The following GPC5 variants were observed in gnomAD, a reference collection of about 807,000 sequenced individuals.
The protein encoded by GPC5 is glypican-5.
In GPC5, 47 loss-of-function variants were observed where a neutral mutation model predicts 53.9. That is an observed-to-expected ratio of 0.87 (90% CI 0.69 to 1.11). GPC5 has a LOEUF of 1.11. Among genes scored for constraint, GPC5 ranks in the 50% most tolerant of loss-of-function variants. The probability of loss-of-function intolerance (pLI) is 0.00; values close to 1 mark genes in which losing one functional copy is unlikely to be tolerated. For synonymous variants in GPC5, 286 were observed against 263.3 expected, an observed-to-expected ratio of 1.09 and a Z score of -0.84; for missense variants, 748 against 713.1, an observed-to-expected ratio of 1.05 and a Z score of -0.56.
chr13:91,653,023 T>C lies in GPC5; in HGVS notation c.326-40164T>C, dbSNP rs117342639. ...TAGGACACTGATTTATTTAAGAATA[T>C]CTGAAGCATGAATTTCTACTCGTTG... On this transcript the variant is annotated intron_variant, in intron 2 of 7. Transcript: ENST00000377067. Among the ~76,000 whole-genome samples the C allele has an allele frequency of 4.0e-3, 616 of 152,296 alleles. 3 individuals are homozygous for C. Among genetic ancestry groups the C allele is most frequent in the Non-Finnish European group, 6.8e-3 (463 of 68,016 alleles).
chr13:91,950,893 G>T (rs1278858506), intron 6 of GPC5, among the ~76,000 whole-genome samples: 1 of 152,142 alleles, frequency 6.6e-6, no homozygotes, highest in African/African-American at 2.4e-5. Context: ...AGCAGAGAGA[G>T]AATTTGAACC....
chr13:92,189,697 C>T lies in GPC5; in HGVS notation c.1561+44708C>T, dbSNP rs151285355. ...TGGGCCAGGCATTTTTTTTTTAAAG[C>T]TATGATTAATATGCTAAGAGCTTTA... On this transcript the variant is annotated intron_variant, in intron 7 of 7. Transcript: ENST00000377067. Among the ~76,000 whole-genome samples the T allele has an allele frequency of 4.1e-3, 627 of 151,408 alleles. 6 individuals are homozygous for T. The highest frequency in any genetic ancestry group is 0.015 in the African/African-American group (604 of 41,202).
intron 7 of GPC5, among the ~76,000 whole-genome samples, chr13:92,351,353 G>A (rs1038642362): frequency 2.6e-5 from 4 of 151,452 alleles, no homozygotes; most frequent in African/African-American, 9.7e-5. Flanking sequence ...CAATTTATCA[G>A]AATCGATTTC....
intron 3 of GPC5, among the ~76,000 whole-genome samples, chr13:91,714,250 C>T (rs922224451): frequency 1.3e-5 from 2 of 152,108 alleles, no homozygotes; most frequent in African/African-American, 2.4e-5. Context: ...AAAATAAAAG[C>T]ACTAATAGTT....
chr13:92,131,057 A>T (rs961243667), intron 6 of GPC5, among the ~76,000 whole-genome samples: 3 of 151,998 alleles, frequency 2.0e-5, no homozygotes, highest in African/African-American at 7.2e-5. Flanking sequence ...TAGGCACTTT[A>T]TTAGCAGATA....
rs576355738 is a variant in GPC5, at chr13:92,309,541, A to G, written c.1561+164552A>G. On this transcript the variant is annotated intron_variant, in intron 7 of 7. Transcript: ENST00000377067. ...TGTTCATTTTGCTTATTGGTTGACT[A>G]ATAATTAAGAAATATAAACATCATT... Among the ~76,000 whole-genome samples the G allele has an allele frequency of 2.2e-3, 335 of 152,230 alleles. 1 individual carries two copies. Among genetic ancestry groups the G allele is most frequent in the Non-Finnish European group, 3.8e-3 (261 of 67,964 alleles).
At chr13:91,581,805 A>C (rs901146315) in intron 2 of GPC5, among the ~76,000 whole-genome samples, 3 of 152,092 alleles carry the variant, frequency 2.0e-5, no homozygotes, top group Non-Finnish European at 2.9e-5. Flanking sequence ...ACACACACCC[A>C]CACACACAAA....
rs1271290295 is a variant in GPC5 at position 91,469,109 on chromosome 13, C to T, written c.325+20187C>T. On this transcript the variant is annotated intron_variant, in intron 2 of 7. Transcript: ENST00000377067. ...TTCTTTTTATTCTCTTCTCTCTCTTCCTTTTCTTTCTTTTTTTGAGACATA... is the reference window on the plus strand; with the variant it reads ...TTCTTTTTATTCTCTTCTCTCTCTTTCTTTTCTTTCTTTTTTTGAGACATA... 2.6e-5 allele frequency among the ~76,000 whole-genome samples: 4 copies of T among 151,526 alleles called. No homozygotes were observed. In the East Asian group the frequency reaches 7.8e-4, roughly 29 times the overall value.
chr13:91,928,400 G>C (rs2039789236), intron 6 of GPC5, among the ~76,000 whole-genome samples: 1 of 152,166 alleles, frequency 6.6e-6, no homozygotes, highest in African/African-American at 2.4e-5. Context: ...AAAGTAAAGA[G>C]AGAATGTTGT....
In GPC5 at chr13:92,635,684, A is replaced by ATT. The variant is rs1885386465; in HGVS notation, c.1562-230597_1562-230596dup. On this transcript the variant is annotated intron_variant, in intron 7 of 7. Transcript: ENST00000377067. ...ATTCACACTATAACCCTGTCTGATT[A>ATT]TTGGTAGAGTTCTCAACAGATCTCG... Among the ~76,000 whole-genome samples the ATT allele has an allele frequency of 2.0e-5, 3 of 152,338 alleles. No homozygotes were observed. The East Asian group carries it at 5.8e-4, about 29-fold the overall frequency.
intron 2 of GPC5, among the ~76,000 whole-genome samples, chr13:91,542,613 T>C (rs1238197065): frequency 6.6e-6 from 1 of 152,230 alleles, no homozygotes; most frequent in Non-Finnish European, 1.5e-5. Flanking sequence ...TCCAGAGTCC[T>C]TGCATCCCTC....
intron 7 of GPC5, among the ~76,000 whole-genome samples, chr13:92,591,749 AC>A (rs1407507046): frequency 6.7e-6 from 1 of 150,320 alleles, no homozygotes. Flanking sequence ...CAACTCCCCC[AC>A]CCCCCAACCA....
chr13:92,789,757 G>T (rs1462986228), intron 7 of GPC5, among the ~76,000 whole-genome samples: 1 of 152,068 alleles, frequency 6.6e-6, no homozygotes, highest in African/African-American at 2.4e-5. Context: ...TAGAGGCACA[G>T]AACTAATAGG....
chr13:92,142,440 T>G (rs887655863), intron 6 of GPC5, among the ~76,000 whole-genome samples: 1 of 152,226 alleles, frequency 6.6e-6, no homozygotes, highest in Admixed American at 6.5e-5. Flanking sequence ...TGTAGTTTTA[T>G]TTCTTAAAAA....
At chr13:91,987,781 T>C (rs2040422108) in intron 6 of GPC5, among the ~76,000 whole-genome samples, 1 of 145,738 alleles carries the variant, frequency 6.9e-6, no homozygotes, top group African/African-American at 2.5e-5. Context: ...ACTATTTATA[T>C]ATATAGTATT....
At chr13:91,562,188 T>TAAAAAAAAAAAAAAA (rs10603242) in intron 2 of GPC5, among the ~76,000 whole-genome samples, 4 of 45,058 alleles carry the variant, frequency 8.9e-5, no homozygotes, top group African/African-American at 3.4e-4. Context: ...GGAGCAACAG[T>TAAAAAAAAAAAAAAA]AAAAAAAAAA....
intron 7 of GPC5, among the ~76,000 whole-genome samples, chr13:92,679,648 A>G (rs1288487773): frequency 1.5e-5 from 2 of 129,188 alleles, no homozygotes; most frequent in Non-Finnish European, 1.7e-5. Flanking sequence ...CAAGGGCTCA[A>G]GTGTGGTGAA....
chr13:92,470,066 A>G (rs963085828), intron 7 of GPC5, among the ~76,000 whole-genome samples: 1 of 152,160 alleles, frequency 6.6e-6, no homozygotes, highest in African/African-American at 2.4e-5. Flanking sequence ...TGTGCTCATA[A>G]CAATTTTTAA....
chr13:92,689,422 GA>G (rs1887329345), intron 7 of GPC5, among the ~76,000 whole-genome samples: 1 of 49,588 alleles, frequency 2.0e-5, no homozygotes, highest in African/African-American at 5.6e-5. Flanking sequence ...TGGCTTGGTA[GA>G]TCTTCCTCCA....
Sources: gnomAD v4.1 joint callset for allele counts (sites outside exome capture counted in the v4.1 genomes callset) on GRCh38, gnomAD v4.1.1 for gene constraint, MANE v1.5 for transcripts, NCBI Gene and HGNC (gene_info 2026-07-23, HGNC 2026-07-21) for gene names.